The following THSD4 variants were observed in gnomAD, a reference collection of about 807,000 sequenced individuals.
THSD4 encodes the protein thrombospondin type-1 domain-containing protein 4.
THSD4 carries 69 observed loss-of-function variants against 119.0 expected under a neutral mutation model. The ratio of observed to expected loss-of-function variants is 0.58; its 90% CI spans 0.48 to 0.71. THSD4 has a LOEUF of 0.71. Ranked by LOEUF, THSD4 falls within the 30% of genes least tolerant of loss-of-function variation. THSD4 has a pLI of 0.00. For missense variants in THSD4, 1,393 were observed against 1,391.1 expected, an observed-to-expected ratio of 1.00 and a Z score of -0.02; for synonymous variants, 524 against 540.4, an observed-to-expected ratio of 0.97 and a Z score of 0.42.
chr15:71,512,116 C>G (rs1450480946), intron 7 of THSD4, among the ~76,000 whole-genome samples: 1 of 152,146 alleles, frequency 6.6e-6, no homozygotes, highest in Non-Finnish European at 1.5e-5. Context: ...CAGGGGGTAA[C>G]CGCCCAGGCT....
At chr15:71,480,122 C>T (rs369335851) in intron 7 of THSD4, among the ~76,000 whole-genome samples, 5 of 152,302 alleles carry the variant, frequency 3.3e-5, no homozygotes, top group Middle Eastern at 6.8e-3. Flanking sequence ...CTGCAACCTC[C>T]GCTGCCTGGG....
intron 3 of THSD4, among the ~76,000 whole-genome samples, chr15:71,159,660 T>A (rs1354167531): frequency 6.6e-6 from 1 of 152,170 alleles, no homozygotes; most frequent in Non-Finnish European, 1.5e-5. Context: ...GAGAAGAATT[T>A]GTTTATTAGT....
intron 8 of THSD4, among the ~76,000 whole-genome samples, chr15:71,692,757 C>T (rs1015071151): frequency 6.6e-6 from 1 of 152,158 alleles, no homozygotes; most frequent in Non-Finnish European, 1.5e-5. Context: ...ATGACGTCTG[C>T]TGGCTGTGTT....
intron 6 of THSD4, among the ~76,000 whole-genome samples, chr15:71,411,306 A>G (rs1306438019): frequency 6.6e-6 from 1 of 152,152 alleles, no homozygotes; most frequent in Non-Finnish European, 1.5e-5. Flanking sequence ...AAATATGGGG[A>G]GAGCTGATAA....
chr15:71,285,917 G>T (rs2044711790), intron 6 of THSD4, among the ~76,000 whole-genome samples: 1 of 141,480 alleles, frequency 7.1e-6, no homozygotes. Flanking sequence ...AATGTGCGTA[G>T]TTTCTTTATT....
chr15:71,132,887 G>A (rs933324322), intron 1 of THSD4, among the ~76,000 whole-genome samples: 1 of 152,226 alleles, frequency 6.6e-6, no homozygotes, highest in Non-Finnish European at 1.5e-5. Flanking sequence ...CAGAACTGAG[G>A]CCTTGTATTG....
chr15:71,709,557 CAGG>C (rs2052466548), intron 8 of THSD4, among the ~76,000 whole-genome samples: 1 of 152,152 alleles, frequency 6.6e-6, no homozygotes, highest in Non-Finnish European at 1.5e-5. Context: ...TAACATGTGG[CAGG>C]AGGAGGCATC....
In THSD4 at chr15:71,664,047, G is replaced by A. The variant is rs1257196197; in HGVS notation, c.1357+3313G>A. 3.3e-5 allele frequency among the ~76,000 whole-genome samples: 5 copies of A among 151,370 alleles called. No individual in the cohort carries two copies. The South Asian group carries it at 8.4e-4, about 25-fold the overall frequency. On this transcript the variant is annotated intron_variant, in intron 8 of 17. Coordinates refer to ENST00000261862, the MANE Select transcript of THSD4 (RefSeq NM_024817.3). ...GCCCAGGCTGGAGTGCAGTGGCGCC[G>A]TCTCAGCTCACTGCAAGCTCTACCT...
At chr15:71,528,982 G>C (rs1245376108) in intron 7 of THSD4, among the ~76,000 whole-genome samples, 4 of 152,222 alleles carry the variant, frequency 2.6e-5, no homozygotes. Context: ...CCAAACCTGA[G>C]TCTCTTTCCT....
At chr15:71,727,207 C>A (rs2052858847) in intron 8 of THSD4, among the ~76,000 whole-genome samples, 1 of 152,078 alleles carries the variant, frequency 6.6e-6, no homozygotes, top group South Asian at 2.1e-4. Flanking sequence ...ATTATAACAT[C>A]TGCTGTGCAA....
chr15:71,255,572 A>G (rs564332498), intron 5 of THSD4, among the ~76,000 whole-genome samples: 1 of 152,314 alleles, frequency 6.6e-6, no homozygotes, highest in Non-Finnish European at 1.5e-5. Flanking sequence ...TTCCAGAAAG[A>G]TCTCTGGGTG....
chr15:71,400,853 T>G (rs1486231129), intron 6 of THSD4, among the ~76,000 whole-genome samples: 1 of 152,004 alleles, frequency 6.6e-6, no homozygotes, highest in Non-Finnish European at 1.5e-5. Context: ...AAAAAGAACT[T>G]GAGCCTGGGA....
chr15:71,704,560 C>T (rs898462787), intron 8 of THSD4, among the ~76,000 whole-genome samples: 1 of 152,212 alleles, frequency 6.6e-6, no homozygotes, highest in Non-Finnish European at 1.5e-5. Context: ...TCAATTAAAC[C>T]TCTTTTCCCT....
chr15:71,261,044 G>A (rs1337946066), intron 6 of THSD4, among the ~76,000 whole-genome samples: 13 of 152,340 alleles, frequency 8.5e-5, no homozygotes, highest in Admixed American at 7.8e-4. Context: ...AGAGGTTGCG[G>A]TGAGCCGAGA....
intron 6 of THSD4, among the ~76,000 whole-genome samples, chr15:71,318,136 G>A (rs998098231): frequency 1.3e-4 from 20 of 152,124 alleles, no homozygotes; most frequent in African/African-American, 3.6e-4. Flanking sequence ...TGCTTGGTCC[G>A]CCTTTGAGGG....
At chr15:71,280,623 A>T in intron 6 of THSD4, among the ~76,000 whole-genome samples, 1 of 144,424 alleles carries the variant, frequency 6.9e-6, no homozygotes, top group Non-Finnish European at 1.5e-5. Flanking sequence ...TCTCTCTCTC[A>T]TTTTTCCTGT....
At chr15:71,506,528 G>C (rs1346286803) in intron 7 of THSD4, among the ~76,000 whole-genome samples, 1 of 152,156 alleles carries the variant, frequency 6.6e-6, no homozygotes, top group African/African-American at 2.4e-5. Flanking sequence ...CTGCTTTGTC[G>C]AACCTTTAGT....
chr15:71,123,372 C>G (rs2040423822), intron 1 of THSD4, among the ~76,000 whole-genome samples: 1 of 152,186 alleles, frequency 6.6e-6, no homozygotes, highest in African/African-American at 2.4e-5. Flanking sequence ...GTAGATTAAT[C>G]TCTTTAAGCT....
At chr15:71,545,383 C>T (rs1161474214) in intron 7 of THSD4, among the ~76,000 whole-genome samples, 1 of 152,080 alleles carries the variant, frequency 6.6e-6, no homozygotes, top group Non-Finnish European at 1.5e-5. Flanking sequence ...CAAATCTGGC[C>T]GCCTGTCTGT....
Sources: allele counts gnomAD v4.1 joint callset (sites outside exome capture counted in the v4.1 genomes callset), GRCh38; gene constraint gnomAD v4.1.1; transcripts MANE v1.5; gene names NCBI Gene and HGNC (gene_info 2026-07-23, HGNC 2026-07-21).